Variants in CSGALNACT1 observed in about 807,000 individuals in gnomAD.
CSGALNACT1 encodes the protein chondroitin sulfate N-acetylgalactosaminyltransferase 1.
A neutral mutation model predicts 51.0 loss-of-function variants in CSGALNACT1; 52 were observed. The ratio of observed to expected loss-of-function variants is 1.02; its 90% CI spans 0.82 to 1.29. The LOEUF (loss-of-function observed/expected upper bound fraction) is 1.29, where lower values mean the gene tolerates loss of function less well. Ranked by LOEUF, CSGALNACT1 falls within the 50% of genes most tolerant of loss-of-function variation. The pLI, the probability that CSGALNACT1 is intolerant of heterozygous loss-of-function variation, is 0.00. For missense variants in CSGALNACT1, 935 were observed against 679.2 expected (o/e 1.38, Z -4.19); for synonymous variants, 341 against 254.4 (o/e 1.34, Z -3.24).
chr8:19,487,557 A>G (rs553510656), intron 4 of CSGALNACT1, among the ~76,000 whole-genome samples: 4 of 152,214 alleles, frequency 2.6e-5, no homozygotes, highest in African/African-American at 7.2e-5. Flanking sequence ...AGAAAAATGG[A>G]TAAGATTCTG....
At chr8:19,615,324 C>T (rs542830926) in intron 1 of CSGALNACT1, among the ~76,000 whole-genome samples, 80 of 152,250 alleles carry the variant, frequency 5.3e-4, no homozygotes, top group African/African-American at 1.8e-3. Context: ...TGATAAATAA[C>T]GATTTCCATC....
At chr8:19,617,492 A>G (rs1196942799) in intron 1 of CSGALNACT1, among the ~76,000 whole-genome samples, 3 of 152,328 alleles carry the variant, frequency 2.0e-5, no homozygotes, top group South Asian at 2.1e-4. Flanking sequence ...TCTTTATTCT[A>G]TGCTCTCCAA....
intron 3 of CSGALNACT1, among the ~76,000 whole-genome samples, chr8:19,544,488 T>A (rs2086017979): frequency 6.6e-6 from 1 of 152,218 alleles, no homozygotes; most frequent in African/African-American, 2.4e-5. Flanking sequence ...AACAATTTCG[T>A]GTGTTTTCTT....
chr8:19,659,684 C>T (rs2058598760), intron 1 of CSGALNACT1, among the ~76,000 whole-genome samples: 1 of 152,164 alleles, frequency 6.6e-6, no homozygotes, highest in Admixed American at 6.5e-5. Flanking sequence ...AATACACATC[C>T]CATGAATCTC....
chr8:19,505,753 C>T (rs140433683), exon 4 of CSGALNACT1: 3 of 1,614,024 alleles, frequency 1.9e-6, no homozygotes, highest in Admixed American at 1.7e-5. Flanking sequence ...ATGTACAGGA[C>T]AGAGATAGCA....
chr8:19,533,972 T>C (rs183271398), intron 3 of CSGALNACT1, among the ~76,000 whole-genome samples: 2 of 152,300 alleles, frequency 1.3e-5, no homozygotes, highest in African/African-American at 4.8e-5. Flanking sequence ...TGTCTCTCCC[T>C]ACCTTCCCCC....
At chr8:19,631,335 T>G (rs2055230016) in intron 1 of CSGALNACT1, among the ~76,000 whole-genome samples, 1 of 152,228 alleles carries the variant, frequency 6.6e-6, no homozygotes. Flanking sequence ...GAATGGAGTT[T>G]CTGTTGCTCC....
rs570613170 is a variant in CSGALNACT1 at position 19,660,914 on chromosome 8, T to C, written c.-544+21559A>G. 6.6e-5 allele frequency among the ~76,000 whole-genome samples: 10 copies of C among 152,104 alleles called. No homozygotes were observed. The South Asian group carries it at 2.1e-3, about 32-fold the overall frequency. ...AGGACCGTTCAGGTTTGTTTGTTTG[T>C]TTTGTTTTTGTTTTTTGAGGCAGAG... On this transcript the variant is annotated intron_variant, in intron 1 of 9. Transcript: ENST00000332246.
At chr8:19,443,722 G>C (rs117620190) in intron 5 of CSGALNACT1, among the ~76,000 whole-genome samples, 2,412 of 152,300 alleles carry the variant, frequency 0.016, 25 homozygotes, top group South Asian at 0.023. Context: ...TGAGATGTGG[G>C]TGGGGATATA....
intron 3 of CSGALNACT1, among the ~76,000 whole-genome samples, chr8:19,585,004 A>C (rs6586848): frequency 0.37 from 56,023 of 152,040 alleles, 12,214 homozygotes; most frequent in African/African-American, 0.62. Context: ...TAGCTGTGTA[A>C]CCCTGGACAA....
chr8:19,733,593 G>C (rs957574508), intron 1 of CSGALNACT1, among the ~76,000 whole-genome samples: 5 of 152,118 alleles, frequency 3.3e-5, no homozygotes, highest in Non-Finnish European at 7.4e-5. Context: ...TTTAATCAGA[G>C]GGTAACAAAG....
At chr8:19,739,752 G>A (rs2064197615) in intron 1 of CSGALNACT1, among the ~76,000 whole-genome samples, 1 of 152,224 alleles carries the variant, frequency 6.6e-6, no homozygotes, top group Admixed American at 6.5e-5. Context: ...TTCCTAGGAT[G>A]TGGGAGCAGT....
intron 1 of CSGALNACT1, among the ~76,000 whole-genome samples, chr8:19,681,068 T>A (rs1034533099): frequency 2.6e-5 from 4 of 152,078 alleles, no homozygotes; most frequent in African/African-American, 7.2e-5. Context: ...GGCATCCAGA[T>A]TTCAGTATCC....
chr8:19,745,324 C>T (rs2064582036), intron 1 of CSGALNACT1, among the ~76,000 whole-genome samples: 3 of 152,214 alleles, frequency 2.0e-5, no homozygotes, highest in Admixed American at 2.0e-4. Flanking sequence ...TCTTATCTCT[C>T]TTTGGGTACA....
chr8:19,476,350 T>C (rs920087228), intron 4 of CSGALNACT1, among the ~76,000 whole-genome samples: 5 of 152,164 alleles, frequency 3.3e-5, no homozygotes, highest in African/African-American at 4.8e-5. Flanking sequence ...GCGATTCTCC[T>C]GCCTCAGCCT....
chr8:19,413,084 G>C lies in CSGALNACT1; in HGVS notation c.1228-4390C>G, dbSNP rs151101601. Among the ~76,000 whole-genome samples, 79 of 152,298 alleles carry C rather than the reference G, an allele frequency of 5.2e-4. No homozygotes were observed. In the East Asian group the frequency reaches 0.014, roughly 27 times the overall value. On this transcript the variant is annotated intron_variant, in intron 8 of 9. Coordinates refer to ENST00000454498, the Ensembl canonical transcript of CSGALNACT1. Reference sequence around the variant, plus strand: ...AGACTCATTTAAGAACACAGTCAAAGGCCATCTCCTTCCAGATGTATTTGC... The same window carrying C: ...AGACTCATTTAAGAACACAGTCAAACGCCATCTCCTTCCAGATGTATTTGC...
intron 3 of CSGALNACT1, among the ~76,000 whole-genome samples, chr8:19,514,470 A>G (rs2079080042): frequency 1.3e-5 from 1 of 79,506 alleles, no homozygotes; most frequent in Admixed American, 1.2e-4. Context: ...ACTTTTGAAC[A>G]GAGACTATAT....
chr8:19,420,302 T>C, intron 7 of CSGALNACT1, 38 bp downstream of exon 6: 1 of 1,606,370 alleles, frequency 6.2e-7, no homozygotes, highest in Non-Finnish European at 8.5e-7. Context: ...CCGAGAGGGC[T>C]GGGGGCCACC....
chr8:19,739,603 TAGGTGGGG>T, intron 1 of CSGALNACT1, among the ~76,000 whole-genome samples: 1 of 152,294 alleles, frequency 6.6e-6, no homozygotes, highest in Middle Eastern at 3.4e-3. Context: ...GCAAAAATGT[TAGGTGGGG>T]CATCCCAAAA....
Sources: allele counts gnomAD v4.1 joint callset (sites outside exome capture counted in the v4.1 genomes callset), GRCh38; gene constraint gnomAD v4.1.1; transcripts MANE v1.5; gene names NCBI Gene and HGNC (gene_info 2026-07-23, HGNC 2026-07-21).